The following DOCK4 variants were observed in gnomAD, a reference collection of about 807,000 sequenced individuals.
DOCK4 encodes dedicator of cytokinesis protein 4.
In DOCK4, 97 loss-of-function variants were observed where a neutral mutation model predicts 268.1. The observed-to-expected ratio is 0.36, with a 90% CI of 0.31 to 0.43. DOCK4 has a LOEUF of 0.43. DOCK4 is among the 20% of genes least tolerant of loss of function. The pLI is 1.00. For missense variants in DOCK4, 2,145 were observed against 2,455.7 expected (o/e 0.87, Z 2.67); for synonymous variants, 954 against 887.2 (o/e 1.08, Z -1.34).
chr7:111,929,810 T>C (rs115164071), intron 12 of DOCK4, among the ~76,000 whole-genome samples: 95 of 152,312 alleles, frequency 6.2e-4, no homozygotes, highest in African/African-American at 2.2e-3. Context: ...CTTACCTGAA[T>C]AGCAAATATG....
intron 13 of DOCK4, among the ~76,000 whole-genome samples, chr7:111,902,269 T>C (rs1390048971): frequency 6.6e-6 from 1 of 152,188 alleles, no homozygotes; most frequent in African/African-American, 2.4e-5. Context: ...CCAAAATTCA[T>C]GGACAAAATG....
chr7:111,769,517 A>G lies in DOCK4; in HGVS notation c.3828+12T>C, dbSNP rs1361048370. On this transcript the variant is annotated intron_variant, in intron 37 of 52. Coordinates refer to ENST00000428084, the MANE Select transcript of DOCK4 (RefSeq NM_001363540.2). ...CCCCAGGAGGGACCCCGGGCGGGGC[A>G]GGGCCACTTACTTTGCCTCTGTCAA... 1.2e-6 allele frequency: 2 copies of G among 1,613,094 alleles called. No homozygotes were observed. The highest frequency in any genetic ancestry group is 1.7e-6 in the Non-Finnish European group (2 of 1,179,674).
At chr7:111,843,795 G>A (rs958220405) in intron 25 of DOCK4, among the ~76,000 whole-genome samples, 19 of 152,138 alleles carry the variant, frequency 1.2e-4, no homozygotes, top group African/African-American at 3.9e-4. Context: ...CTTCAGTCAC[G>A]TTGCAGGTGG....
chr7:111,964,609 G>A (rs200635393), intron 8 of DOCK4, among the ~76,000 whole-genome samples: 34,109 of 132,820 alleles, frequency 0.26, 5,012 homozygotes, highest in African/African-American at 0.46. Context: ...GGGGAGAATG[G>A]AACCAAGTTG....
intron 1 of DOCK4, among the ~76,000 whole-genome samples, chr7:112,193,665 G>A (rs1000523226): frequency 1.3e-5 from 2 of 151,504 alleles, no homozygotes; most frequent in African/African-American, 4.9e-5. Context: ...TGCAGAGTCA[G>A]ATCTCAAATC....
intron 27 of DOCK4, among the ~76,000 whole-genome samples, chr7:111,816,199 A>C (rs891825088): frequency 2.0e-5 from 3 of 152,132 alleles, no homozygotes; most frequent in Non-Finnish European, 4.4e-5. Context: ...CCAATTTGAT[A>C]ATCTGCTCAT....
At chr7:111,767,866 C>T (rs1349462647) in intron 37 of DOCK4, among the ~76,000 whole-genome samples, 1 of 152,020 alleles carries the variant, frequency 6.6e-6, no homozygotes, top group African/African-American at 2.4e-5. Flanking sequence ...AAGTTGGTTA[C>T]TCTCAGCAGA....
At chr7:111,944,912 C>T (rs376076615) in intron 9 of DOCK4, 41 bp from the exon 10 acceptor site, 89 of 1,579,832 alleles carry the variant, frequency 5.6e-5, no homozygotes, top group East Asian at 3.4e-4. Context: ...AAGACATGAG[C>T]GGCACTTAAA....
intron 1 of DOCK4, among the ~76,000 whole-genome samples, chr7:112,117,551 A>G (rs911364222): frequency 6.6e-6 from 1 of 152,050 alleles, no homozygotes; most frequent in Non-Finnish European, 1.5e-5. Flanking sequence ...TTGTATTTTT[A>G]GTAGAGACAG....
intron 1 of DOCK4, among the ~76,000 whole-genome samples, chr7:112,100,085 C>A (rs758127048): frequency 1.3e-5 from 2 of 152,154 alleles, no homozygotes; most frequent in African/African-American, 2.4e-5. Flanking sequence ...TAAAAATGAG[C>A]TGTGTTTCAA....
intron 16 of DOCK4, among the ~76,000 whole-genome samples, chr7:111,894,396 C>T (rs1024584868): frequency 6.6e-6 from 1 of 152,044 alleles, no homozygotes; most frequent in Non-Finnish European, 1.5e-5. Context: ...TCTCGAGGGG[C>T]TCATAAATCT....
At chr7:111,832,905 C>T (rs1333305552) in intron 26 of DOCK4, among the ~76,000 whole-genome samples, 4 of 152,182 alleles carry the variant, frequency 2.6e-5, no homozygotes, top group Non-Finnish European at 4.4e-5. Context: ...CCACATAAAA[C>T]ATTTTATTCA....
intron 51 of DOCK4, among the ~76,000 whole-genome samples, chr7:111,733,364 G>T (rs989375383): frequency 6.6e-6 from 1 of 152,232 alleles, no homozygotes; most frequent in Non-Finnish European, 1.5e-5. Context: ...GGGTCAGTGA[G>T]AGTGCTCCAT....
intron 1 of DOCK4, among the ~76,000 whole-genome samples, chr7:112,152,775 T>C (rs953849210): frequency 6.6e-6 from 1 of 152,140 alleles, no homozygotes; most frequent in African/African-American, 2.4e-5. Context: ...CTTGAGCCAC[T>C]GCATCCAGCC....
chr7:111,880,364 C>T (rs1206549509), intron 16 of DOCK4, among the ~76,000 whole-genome samples: 1 of 152,118 alleles, frequency 6.6e-6, no homozygotes, highest in East Asian at 1.9e-4. Flanking sequence ...AAATATCCTT[C>T]AGGCATGAAG....
intron 10 of DOCK4, among the ~76,000 whole-genome samples, chr7:111,940,552 G>A (rs1334426854): frequency 6.6e-6 from 1 of 152,202 alleles, no homozygotes; most frequent in East Asian, 1.9e-4. Flanking sequence ...ATCCCAGGAA[G>A]TTCACGTCAC....
intron 1 of DOCK4, among the ~76,000 whole-genome samples, chr7:112,203,488 A>G (rs1022619546): frequency 2.2e-4 from 34 of 152,216 alleles, no homozygotes; most frequent in Non-Finnish European, 3.8e-4. Flanking sequence ...AAATTTAATC[A>G]TAAGTATATA....
At chr7:112,001,676 G>A (rs1800436509) in intron 2 of DOCK4, among the ~76,000 whole-genome samples, 1 of 152,158 alleles carries the variant, frequency 6.6e-6, no homozygotes, top group South Asian at 2.1e-4. Context: ...TTCTATTCAT[G>A]AAACTGTGAA....
chr7:111,926,780 GCCGAGATCATGCCACTGCACT>G (rs1793734997), intron 12 of DOCK4, among the ~76,000 whole-genome samples: 2 of 151,236 alleles, frequency 1.3e-5, no homozygotes, highest in South Asian at 4.2e-4. Context: ...GTTGCAGTGA[GCCGAGATCATGCCACTGCACT>G]CCAGCCTGGC....
Sources: allele counts gnomAD v4.1 joint callset (sites outside exome capture counted in the v4.1 genomes callset), GRCh38; gene constraint gnomAD v4.1.1; transcripts MANE v1.5; gene names NCBI Gene and HGNC (gene_info 2026-07-23, HGNC 2026-07-21).